CA10: variants seen among roughly 807,000 people sequenced by gnomAD.
CA10 encodes the protein carbonic anhydrase-related protein 10.
A neutral mutation model predicts 44.2 loss-of-function variants in CA10; 14 were observed. The ratio of observed to expected loss-of-function variants is 0.32; its 90% CI spans 0.21 to 0.50. CA10 has a LOEUF of 0.50. Among genes scored for constraint, CA10 ranks in the 20% least tolerant of loss-of-function variants. The probability of loss-of-function intolerance (pLI) is 0.99; values close to 1 mark genes in which losing one functional copy is unlikely to be tolerated. For missense variants in CA10, 350 were observed against 409.7 expected (o/e 0.85, Z 1.26); for synonymous variants, 159 against 141.6 (o/e 1.12, Z -0.87).
At position 51,634,684 on chromosome 17, in the gene CA10, C is replaced by T. The variant is rs1597952001; in HGVS notation, c.790-1034G>A. Among the ~76,000 whole-genome samples the T allele has an allele frequency of 3.3e-5, 5 of 151,648 alleles. No individual in the cohort carries two copies. In the East Asian group the frequency reaches 9.7e-4, roughly 29 times the overall value. On this transcript the variant is annotated intron_variant, in intron 7 of 8. Coordinates refer to ENST00000451037, the MANE Select transcript of CA10 (RefSeq NM_020178.5). ...TGAGTACTAACTCTGTGAGATGATC[C>T]AAAAAAAACACTGCACATTCAAATA...
intron 3 of CA10, among the ~76,000 whole-genome samples, chr17:51,766,941 C>G (rs1420053881): frequency 6.6e-6 from 1 of 152,184 alleles, no homozygotes; most frequent in Non-Finnish European, 1.5e-5. Context: ...TGCCCGTTAG[C>G]TTGCTCCATC....
intron 3 of CA10, among the ~76,000 whole-genome samples, chr17:51,776,161 A>G (rs28680997): frequency 0.055 from 8,404 of 152,224 alleles, 319 homozygotes; most frequent in Middle Eastern, 0.11. Flanking sequence ...GGAGTTTGAT[A>G]CCAGCCTGAC....
chr17:51,971,320 T>C (rs1225100364), intron 2 of CA10, among the ~76,000 whole-genome samples: 1 of 152,094 alleles, frequency 6.6e-6, no homozygotes, highest in Non-Finnish European at 1.5e-5. Context: ...AAAAATCATA[T>C]GGAACTTCTA....
At chr17:51,964,572 A>G (rs1372549221) in intron 2 of CA10, among the ~76,000 whole-genome samples, 1 of 151,948 alleles carries the variant, frequency 6.6e-6, no homozygotes, top group African/African-American at 2.4e-5. Context: ...TCAGACCACA[A>G]TGGAATAAAA....
intron 2 of CA10, among the ~76,000 whole-genome samples, chr17:51,965,415 G>C (rs1984044927): frequency 6.6e-6 from 1 of 151,024 alleles, no homozygotes. Context: ...ACCTGGTAAA[G>C]ACAATTAAAA....
chr17:51,868,120 C>T (rs991277547), intron 3 of CA10, among the ~76,000 whole-genome samples: 4 of 151,670 alleles, frequency 2.6e-5, no homozygotes, highest in African/African-American at 4.8e-5. Flanking sequence ...TTAGCTCTCT[C>T]GTATCTGGAA....
intron 2 of CA10, among the ~76,000 whole-genome samples, chr17:52,052,750 C>T (rs190682923): frequency 2.0e-5 from 3 of 152,210 alleles, no homozygotes; most frequent in Admixed American, 2.0e-4. Flanking sequence ...CAAAAGTACT[C>T]GGAGCAGAAG....
chr17:52,055,786 T>C (rs752185728), intron 2 of CA10, among the ~76,000 whole-genome samples: 1 of 152,122 alleles, frequency 6.6e-6, no homozygotes, highest in Non-Finnish European at 1.5e-5. Context: ...AAAACTCTTT[T>C]AAATGAGGCA....
At chr17:51,835,457 T>A (rs867203141) in intron 3 of CA10, among the ~76,000 whole-genome samples, 1 of 152,232 alleles carries the variant, frequency 6.6e-6, no homozygotes, top group African/African-American at 2.4e-5. Flanking sequence ...ATCCCAGCTA[T>A]CTATGGCTTG....
intron 3 of CA10, among the ~76,000 whole-genome samples, chr17:51,903,364 C>A (rs1046134685): frequency 6.6e-6 from 1 of 152,128 alleles, no homozygotes; most frequent in African/African-American, 2.4e-5. Context: ...ATCTGATAGG[C>A]TATTTCTTAC....
At chr17:52,056,240 C>A (rs376597543) in intron 2 of CA10, among the ~76,000 whole-genome samples, 1 of 151,848 alleles carries the variant, frequency 6.6e-6, no homozygotes, top group African/African-American at 2.4e-5. Flanking sequence ...ATTGGAAAGG[C>A]GACAAGGGCA....
intron 6 of CA10, among the ~76,000 whole-genome samples, chr17:51,646,610 AC>A (rs1209149806): frequency 2.0e-5 from 3 of 152,130 alleles, no homozygotes; most frequent in Admixed American, 2.0e-4. Flanking sequence ...TGCTGGCCTA[AC>A]CTGCTGCCTG....
chr17:52,029,725 ACT>A (rs1986408444), intron 2 of CA10, among the ~76,000 whole-genome samples: 1 of 151,900 alleles, frequency 6.6e-6, no homozygotes, highest in African/African-American at 2.4e-5. Context: ...CTTGAGCTTG[ACT>A]CTCTCAAGAA....
chr17:51,644,657 A>G (rs1913244721), intron 6 of CA10, among the ~76,000 whole-genome samples: 1 of 152,122 alleles, frequency 6.6e-6, no homozygotes, highest in South Asian at 2.1e-4. Context: ...GATACGCTTC[A>G]TCCACAGTCT....
intron 2 of CA10, among the ~76,000 whole-genome samples, chr17:51,989,465 G>A (rs1190896724): frequency 6.6e-6 from 1 of 151,858 alleles, no homozygotes; most frequent in Non-Finnish European, 1.5e-5. Context: ...TGGCCTCAAA[G>A]GAATATAAAT....
chr17:51,767,110 A>C (rs1188261247), intron 3 of CA10, among the ~76,000 whole-genome samples: 2 of 152,240 alleles, frequency 1.3e-5, no homozygotes, highest in Admixed American at 6.5e-5. Flanking sequence ...AGTTCATTTT[A>C]AATGTTCTCT....
At chr17:51,888,764 G>A (rs1302569018) in intron 3 of CA10, among the ~76,000 whole-genome samples, 1 of 152,168 alleles carries the variant, frequency 6.6e-6, no homozygotes, top group Non-Finnish European at 1.5e-5. Context: ...AATAATCTTT[G>A]TAGTGTGTTC....
chr17:51,795,077 GA>G (rs1484017173), intron 3 of CA10, among the ~76,000 whole-genome samples: 1 of 152,188 alleles, frequency 6.6e-6, no homozygotes, highest in Non-Finnish European at 1.5e-5. Flanking sequence ...TTCATTTACT[GA>G]AAAAGGCCAA....
intron 3 of CA10, among the ~76,000 whole-genome samples, chr17:51,770,523 T>A (rs186044141): frequency 5.8e-4 from 88 of 152,296 alleles, no homozygotes; most frequent in Non-Finnish European, 5.3e-4. Context: ...TGCAAGACCC[T>A]GTGCTGAGCA....
Sources: gnomAD v4.1 joint callset for allele counts (sites outside exome capture counted in the v4.1 genomes callset) on GRCh38, gnomAD v4.1.1 for gene constraint, MANE v1.5 for transcripts, NCBI Gene and HGNC (gene_info 2026-07-23, HGNC 2026-07-21) for gene names.